The following GCLM variants were observed in gnomAD, a reference collection of about 807,000 sequenced individuals.
The protein encoded by GCLM is glutamate-cysteine ligase modifier subunit.
In GCLM, 15 loss-of-function variants were observed where a neutral mutation model predicts 36.0. The observed-to-expected ratio is 0.42, with a 90% CI of 0.28 to 0.64. The LOEUF (loss-of-function observed/expected upper bound fraction) is 0.64. GCLM is among the 30% of genes least tolerant of loss of function. GCLM has a pLI of 0.25. For synonymous variants in GCLM, 129 were observed against 122.8 expected, an observed-to-expected ratio of 1.05 and a Z score of -0.34; for missense variants, 242 against 325.5, an observed-to-expected ratio of 0.74 and a Z score of 1.97.
At chr1:93,904,670 G>A in intron 1 of GCLM, 82 bp from the exon 2 acceptor site, 3 of 858,922 alleles carry the variant, frequency 3.5e-6, no homozygotes, top group Non-Finnish European at 5.7e-6. Flanking sequence ...ATATTAATTT[G>A]ATAAGCAGGA....
chr1:93,904,676 C>A, intron 1 of GCLM, 88 bp from the exon 2 acceptor site: 12 of 844,834 alleles, frequency 1.4e-5, no homozygotes, highest in Admixed American at 1.1e-4. Context: ...ATTTGATAAG[C>A]AGGAAAAAAA....
At chr1:93,904,143 T>G (rs1275765566) in intron 2 of GCLM, 1 of 246,930 alleles carries the variant, frequency 4.0e-6, no homozygotes, top group Non-Finnish European at 8.0e-6. Context: ...AGTTCCTTAT[T>G]GTTTCATCAG....
At position 93,889,137 on chromosome 1, in the gene GCLM, G is replaced by C. The variant is rs1571194336; in HGVS notation, c.678C>G (p.Phe226Leu). The C allele has an allele frequency of 6.4e-7, 1 of 1,572,312 alleles. No individual in the cohort carries two copies. The highest frequency in any genetic ancestry group is 8.6e-7 in the Non-Finnish European group (1 of 1,161,944). ...DPKELLSEAS[F>L]QEALQESIPD... ...GAATGCTTTCCTGAAGAGCTTCTTG[G>C]AAACTTGCTTCAGAAAGCAGTTCTA... The change falls in exon 7 of 7, where the codon TTC becomes TTG. Residue 226 changes from phenylalanine to leucine, a missense_variant. By Grantham distance (22) the Phe-to-Leu change is conservative. Transcript: ENST00000370238.
intron 6 of GCLM, among the ~76,000 whole-genome samples, chr1:93,890,879 A>ATTT (rs111797625): frequency 1.5e-5 from 2 of 135,620 alleles, no homozygotes; most frequent in Non-Finnish European, 3.2e-5. Context: ...TTTCTTTTCT[A>ATTT]TTTTTTTTTT....
chr1:93,886,394 C>T lies in GCLM; in HGVS notation c.*2596G>A, dbSNP rs1656303689. On this transcript the variant is annotated 3_prime_UTR_variant, in exon 7 of 7. Coordinates refer to ENST00000370238, the MANE Select transcript of GCLM (RefSeq NM_002061.4). ...TTTTATGGCTTTTTAAACATTAAGT[C>T]CTTAAATATTTGAAAAGTGTTCACT... 6.6e-6 allele frequency: 1 copy of T among 151,788 alleles called. No homozygotes were observed. The highest frequency in any genetic ancestry group is 2.1e-4 in the South Asian group (1 of 4,822). 9.4% of individuals were successfully genotyped at this position (151,788 alleles called of 1,614,324 possible).
At chr1:93,894,581 G>C (rs1656657656) in intron 6 of GCLM, 33 bp downstream of exon 6, 1 of 1,092,106 alleles carries the variant, frequency 9.2e-7, no homozygotes, top group Admixed American at 1.8e-5. Context: ...AAAAGCTTAT[G>C]ATCAATCTCT....
intron 1 of GCLM, among the ~76,000 whole-genome samples, chr1:93,906,234 G>C (rs1657143336): frequency 6.6e-6 from 1 of 152,108 alleles, no homozygotes. Flanking sequence ...AAATTATAAG[G>C]TCTAGATCTT....
chr1:93,903,471 T>C (rs1043602661), intron 2 of GCLM, among the ~76,000 whole-genome samples: 1 of 130,188 alleles, frequency 7.7e-6, no homozygotes, highest in African/African-American at 3.0e-5. Flanking sequence ...CCACCACGCC[T>C]GGCTTTTTTT....
intron 2 of GCLM, among the ~76,000 whole-genome samples, chr1:93,902,827 T>A (rs1657010027): frequency 6.7e-6 from 1 of 149,968 alleles, no homozygotes; most frequent in African/African-American, 2.5e-5. Flanking sequence ...CATCCCTCCG[T>A]CCCTGCTAAC....
chr1:93,897,708 C>T (rs1225600439), intron 4 of GCLM, 131 bp downstream of exon 4: 3 of 572,546 alleles, frequency 5.2e-6, no homozygotes, highest in Non-Finnish European at 9.1e-6. Context: ...AGAAACTAAG[C>T]TAGAACTTTA....
intron 3 of GCLM, among the ~76,000 whole-genome samples, chr1:93,901,133 A>C (rs1304423674): frequency 1.3e-5 from 2 of 152,166 alleles, no homozygotes; most frequent in Admixed American, 6.5e-5. Flanking sequence ...ACATTTCCTG[A>C]ATGGGTGTTA....
chr1:93,898,593 G>A (rs1270541022), intron 3 of GCLM, among the ~76,000 whole-genome samples: 16 of 152,074 alleles, frequency 1.1e-4, no homozygotes, highest in Middle Eastern at 3.4e-3. Context: ...TCCCGCTTCG[G>A]CTTCCCAAAG....
rs759637489 is a variant in GCLM, at chr1:93,904,556, T to C, written c.159A>G (p.Glu53=). 13 of 1,612,332 alleles carry C rather than the reference T, an allele frequency of 8.1e-6. No homozygotes were observed. The highest frequency in any genetic ancestry group is 1.0e-5 in the Non-Finnish European group (12 of 1,178,458). ...LHDCIQKTLN[E]WSSQINPDLV... Reference sequence around the variant, plus strand: ...AATCTGGGTTGATTTGGGAACTCCATTCATTCAAGGTTTTTTGGATACAAT... The same window carrying C: ...AATCTGGGTTGATTTGGGAACTCCACTCATTCAAGGTTTTTTGGATACAAT... The change falls in exon 2 of 7, where the codon GAA becomes GAG. Residue 53 remains glutamate, a synonymous_variant. Transcript: ENST00000370238.
intron 2 of GCLM, among the ~76,000 whole-genome samples, chr1:93,902,892 T>C (rs1165920033): frequency 6.6e-6 from 1 of 152,168 alleles, no homozygotes; most frequent in Non-Finnish European, 1.5e-5. Flanking sequence ...AGCAAAACTA[T>C]AGTCTACATA....
chr1:93,906,254 C>T (rs1247758622), intron 1 of GCLM, among the ~76,000 whole-genome samples: 1 of 152,134 alleles, frequency 6.6e-6, no homozygotes, highest in South Asian at 2.1e-4. Flanking sequence ...TTATGTAAAG[C>T]ATATTTATAA....
chr1:93,893,302 G>A (rs1656602636), intron 6 of GCLM, among the ~76,000 whole-genome samples: 1 of 152,146 alleles, frequency 6.6e-6, no homozygotes, highest in African/African-American at 2.4e-5. Flanking sequence ...GAGGATTATA[G>A]ATAATCTCTC....
chr1:93,903,376 T>C (rs771362195), intron 2 of GCLM, among the ~76,000 whole-genome samples: 1 of 151,964 alleles, frequency 6.6e-6, no homozygotes. Context: ...AGTGGTGTGA[T>C]CTCAGCTCAC....
intron 6 of GCLM, among the ~76,000 whole-genome samples, chr1:93,892,489 T>C (rs1231466208): frequency 2.0e-5 from 3 of 152,212 alleles, no homozygotes; most frequent in African/African-American, 7.2e-5. Context: ...TTGAACTCTT[T>C]AGTCAGTAAA....
At chr1:93,900,233 A>C (rs1467321847) in intron 3 of GCLM, among the ~76,000 whole-genome samples, 1 of 152,112 alleles carries the variant, frequency 6.6e-6, no homozygotes, top group Non-Finnish European at 1.5e-5. Flanking sequence ...TTCTCTGTCC[A>C]TGAATTTGTG....
Sources: allele counts gnomAD v4.1 joint callset (sites outside exome capture counted in the v4.1 genomes callset), GRCh38; gene constraint gnomAD v4.1.1; transcripts MANE v1.5; gene names NCBI Gene and HGNC (gene_info 2026-07-23, HGNC 2026-07-21).